CAMK1D: variants seen among roughly 807,000 people sequenced by gnomAD.
The protein encoded by CAMK1D is calcium/calmodulin-dependent protein kinase type 1D.
Under a neutral mutation model 47.7 loss-of-function variants are expected in CAMK1D, and 9 were observed. That is an observed-to-expected ratio of 0.19 (90% CI 0.11 to 0.33). The LOEUF is 0.33. Among genes scored for constraint, CAMK1D ranks in the 10% least tolerant of loss-of-function variants. CAMK1D has a pLI of 1.00. For missense variants in CAMK1D, 291 were observed against 488.7 expected (o/e 0.60, Z 3.81); for synonymous variants, 184 against 184.9 (o/e 0.99, Z 0.04).
At chr10:12,735,840 A>G (rs1460000983) in intron 3 of CAMK1D, among the ~76,000 whole-genome samples, 2 of 151,874 alleles carry the variant, frequency 1.3e-5, no homozygotes, top group Admixed American at 6.6e-5. Context: ...CTTGCGCTCC[A>G]GATACTCCAT....
intron 6 of CAMK1D, among the ~76,000 whole-genome samples, chr10:12,803,693 T>G (rs1214521506): frequency 6.6e-6 from 1 of 152,010 alleles, no homozygotes; most frequent in Non-Finnish European, 1.5e-5. Context: ...TGTGTGTGTA[T>G]AGAATTGGCT....
At chr10:12,537,195 C>T (rs1836003080) in intron 1 of CAMK1D, among the ~76,000 whole-genome samples, 2 of 152,168 alleles carry the variant, frequency 1.3e-5, no homozygotes, top group Non-Finnish European at 2.9e-5. Context: ...CCTCAACCTC[C>T]CAAGTAGCTG....
At chr10:12,444,066 G>A (rs537364088) in intron 1 of CAMK1D, among the ~76,000 whole-genome samples, 21 of 152,238 alleles carry the variant, frequency 1.4e-4, no homozygotes, top group African/African-American at 4.3e-4. Flanking sequence ...GGCGCTGGCG[G>A]GAGTGTAGCA....
intron 1 of CAMK1D, among the ~76,000 whole-genome samples, chr10:12,466,179 G>C (rs533050803): frequency 6.6e-6 from 1 of 151,988 alleles, no homozygotes; most frequent in African/African-American, 2.4e-5. Context: ...AGACCAAGGC[G>C]GGCAGATCAC....
At chr10:12,802,286 C>T (rs755551370) in intron 6 of CAMK1D, among the ~76,000 whole-genome samples, 6 of 152,202 alleles carry the variant, frequency 3.9e-5, no homozygotes, top group African/African-American at 9.7e-5. Flanking sequence ...AGAGGGAACT[C>T]TTTTGCCTTT....
At chr10:12,761,393 C>G (rs1412518630) in intron 4 of CAMK1D, among the ~76,000 whole-genome samples, 1 of 152,140 alleles carries the variant, frequency 6.6e-6, no homozygotes, top group African/African-American at 2.4e-5. Context: ...CGATTTTGCT[C>G]AAGACACGTA....
At chr10:12,782,322 T>C (rs1837535901) in intron 5 of CAMK1D, among the ~76,000 whole-genome samples, 1 of 152,244 alleles carries the variant, frequency 6.6e-6, no homozygotes, top group Non-Finnish European at 1.5e-5. Flanking sequence ...CTGCAAATTC[T>C]GCTACTGACA....
chr10:12,765,749 G>A lies in CAMK1D; in HGVS notation c.439-3924G>A, dbSNP rs535976846. 1.6e-4 allele frequency among the ~76,000 whole-genome samples: 24 copies of A among 152,248 alleles called. No homozygotes were observed. In the South Asian group the frequency reaches 2.1e-3, roughly 13 times the overall value. ...GAAAGAAAGAGAAGAGCTCTCTCCTGTAGAGAGAGGGGTCCCAAGCGGGTT... is the reference window on the plus strand; with the variant it reads ...GAAAGAAAGAGAAGAGCTCTCTCCTATAGAGAGAGGGGTCCCAAGCGGGTT... On this transcript the variant is annotated intron_variant, in intron 4 of 10. Transcript: ENST00000619168.
At chr10:12,384,218 A>G (rs946517596) in intron 1 of CAMK1D, among the ~76,000 whole-genome samples, 1 of 152,234 alleles carries the variant, frequency 6.6e-6, no homozygotes, top group Non-Finnish European at 1.5e-5. Context: ...ACTTAAATAA[A>G]TGGAAAGACG....
chr10:12,493,516 CAG>C (rs1419128972), intron 1 of CAMK1D, among the ~76,000 whole-genome samples: 1 of 152,048 alleles, frequency 6.6e-6, no homozygotes, highest in Admixed American at 6.6e-5. Flanking sequence ...TAATTTGAGA[CAG>C]AGTCTCTCTC....
chr10:12,683,244 G>A (rs547985980), intron 3 of CAMK1D, among the ~76,000 whole-genome samples: 8 of 151,922 alleles, frequency 5.3e-5, no homozygotes, highest in African/African-American at 9.7e-5. Flanking sequence ...GCACCACCAC[G>A]CCCAGCTGAT....
intron 6 of CAMK1D, among the ~76,000 whole-genome samples, chr10:12,800,076 G>C (rs1838363093): frequency 1.3e-5 from 2 of 152,108 alleles, no homozygotes; most frequent in South Asian, 4.1e-4. Context: ...CCAGTACTTT[G>C]CCGGAGTCAC....
intron 5 of CAMK1D, among the ~76,000 whole-genome samples, chr10:12,783,630 A>C (rs1174910517): frequency 6.6e-6 from 1 of 152,248 alleles, no homozygotes; most frequent in Non-Finnish European, 1.5e-5. Context: ...CTGCTGTCTT[A>C]GTTTCAGTCC....
At chr10:12,578,769 C>T (rs1837572041) in intron 2 of CAMK1D, 1 of 153,978 alleles carries the variant, frequency 6.5e-6, no homozygotes, top group East Asian at 1.9e-4. Flanking sequence ...GTGAGTTGAC[C>T]TCCACAGGGC....
At chr10:12,394,053 G>A (rs866865959) in intron 1 of CAMK1D, among the ~76,000 whole-genome samples, 2 of 152,108 alleles carry the variant, frequency 1.3e-5, no homozygotes, top group Non-Finnish European at 2.9e-5. Context: ...GTTGCGGCTC[G>A]TGCTTTTGGC....
chr10:12,512,880 T>C (rs1219607167), intron 1 of CAMK1D, among the ~76,000 whole-genome samples: 2 of 152,206 alleles, frequency 1.3e-5, no homozygotes, highest in Non-Finnish European at 1.5e-5. Context: ...GGGGCTAATA[T>C]TGACAGTTCC....
chr10:12,577,454 T>A (rs1837525206), intron 2 of CAMK1D, among the ~76,000 whole-genome samples: 1 of 152,240 alleles, frequency 6.6e-6, no homozygotes, highest in Non-Finnish European at 1.5e-5. Context: ...AGCACATTGC[T>A]TTTCTTCTTT....
At chr10:12,433,060 G>C (rs1302373151) in intron 1 of CAMK1D, among the ~76,000 whole-genome samples, 1 of 152,208 alleles carries the variant, frequency 6.6e-6, no homozygotes, top group Non-Finnish European at 1.5e-5. Flanking sequence ...CATGGGAGCA[G>C]GTGGGGCGTG....
At chr10:12,801,447 CCATT>C (rs1272625497) in intron 6 of CAMK1D, among the ~76,000 whole-genome samples, 2 of 151,426 alleles carry the variant, frequency 1.3e-5, no homozygotes, top group African/African-American at 4.9e-5. Context: ...ATCCATCCAT[CCATT>C]CATCTATCTA....
Sources: gnomAD v4.1 joint callset for allele counts (sites outside exome capture counted in the v4.1 genomes callset) on GRCh38, gnomAD v4.1.1 for gene constraint, MANE v1.5 for transcripts, NCBI Gene and HGNC (gene_info 2026-07-23, HGNC 2026-07-21) for gene names.